ELOB: variants seen among roughly 807,000 people sequenced by gnomAD.
ELOB encodes the protein elongin-B.
A neutral mutation model predicts 12.9 loss-of-function variants in ELOB; 3 were observed. The observed-to-expected ratio is 0.23, with a 90% CI of 0.11 to 0.60. The LOEUF is 0.60. ELOB is among the 20% of genes least tolerant of loss of function. The pLI, the probability that ELOB is intolerant of heterozygous loss-of-function variation, is 0.89. For synonymous variants in ELOB, 84 were observed against 67.4 expected (o/e 1.25, Z -1.21); for missense variants, 126 against 159.2 (o/e 0.79, Z 1.12).
At chr16:2,776,881 G>C in intron 2 of ELOB, 112 bp downstream of exon 2, 1 of 1,385,864 alleles carries the variant, frequency 7.2e-7, no homozygotes, top group Non-Finnish European at 9.5e-7. Flanking sequence ...CCCGCGGCTC[G>C]GGCGCCCGCA....
Position 2,771,928 on chromosome 16 carries a change from G to T in ELOB, c.*62C>A. 1 of 1,559,316 alleles carries T rather than the reference G, an allele frequency of 6.4e-7. No homozygotes were observed. The highest frequency in any genetic ancestry group is 1.2e-5 in the South Asian group (1 of 84,900). On this transcript the variant is annotated 3_prime_UTR_variant, in exon 4 of 4. Coordinates refer to ENST00000409906, the MANE Select transcript of ELOB (RefSeq NM_007108.4). ...ATCCCAGGGAGGGGCGGGAAAAAGA[G>T]GCAGCAACCAGGCAGACTCCCAAAT...
chr16:2,771,551 T>C lies in ELOB; in HGVS notation c.*439A>G. Reference sequence around the variant, plus strand: ...TGAACATGCTGTCAAACCAGGACACTGGCTCCAGCTTGTGTTTCTGCTCTT... The same window carrying C: ...TGAACATGCTGTCAAACCAGGACACCGGCTCCAGCTTGTGTTTCTGCTCTT... On this transcript the variant is annotated 3_prime_UTR_variant, in exon 4 of 4. Transcript: ENST00000409906. 6.2e-7 allele frequency: 1 copy of C among 1,614,168 alleles called. No homozygotes were observed. Among genetic ancestry groups the C allele is most frequent in the Non-Finnish European group, 8.5e-7 (1 of 1,180,036 alleles).
At chr16:2,773,175 G>C (rs2068777920) in intron 3 of ELOB, among the ~76,000 whole-genome samples, 2 of 151,996 alleles carry the variant, frequency 1.3e-5, no homozygotes, top group Admixed American at 1.3e-4. Context: ...ATCTCTGCTT[G>C]GCTCAGGGTT....
At chr16:2,772,172 C>T (rs755694642) in intron 3 of ELOB, 70 bp from the exon 4 acceptor site, 1,174 of 1,479,414 alleles carry the variant, frequency 7.9e-4, no homozygotes, top group Non-Finnish European at 9.4e-4. Context: ...TTGGTGTTCA[C>T]GTGTGATCAT....
intron 3 of ELOB, among the ~76,000 whole-genome samples, chr16:2,773,423 A>C (rs1308128492): frequency 1.3e-5 from 2 of 152,162 alleles, no homozygotes; most frequent in African/African-American, 4.8e-5. Context: ...TCGTGCCTTC[A>C]CTACCTCCCT....
intron 2 of ELOB, among the ~76,000 whole-genome samples, chr16:2,776,054 C>G (rs1214361658): frequency 1.3e-5 from 2 of 152,156 alleles, no homozygotes; most frequent in Non-Finnish European, 2.9e-5. Context: ...CCACGGCTGG[C>G]TGGTAGTTGA....
chr16:2,776,100 G>A (rs528201740), intron 2 of ELOB, among the ~76,000 whole-genome samples: 1 of 152,294 alleles, frequency 6.6e-6, no homozygotes, highest in South Asian at 2.1e-4. Context: ...CTGTAAACTA[G>A]GAATTACCAG....
Position 2,771,766 on chromosome 16 carries a change from G to T in ELOB, c.*224C>A. The T allele has an allele frequency of 6.8e-7, 1 of 1,480,066 alleles. No homozygotes were observed. The highest frequency in any genetic ancestry group is 8.9e-7 in the Non-Finnish European group (1 of 1,120,292). 91.7% of individuals were successfully genotyped at this position (1,480,066 alleles called of 1,614,324 possible). On this transcript the variant is annotated 3_prime_UTR_variant, in exon 4 of 4. Transcript: ENST00000409906. ...TGCTAACAATGGCTTGGGTCTCAGG[G>T]CAACCCAGGTCCCCATGGTGCCTTT...
At chr16:2,776,812 A>T (rs1261987847) in intron 2 of ELOB, among the ~76,000 whole-genome samples, 181 bp downstream of exon 2, 1 of 151,466 alleles carries the variant, frequency 6.6e-6, no homozygotes, top group African/African-American at 2.4e-5. Flanking sequence ...TCGCCCCCGG[A>T]CCGGAGATCC....
intron 2 of ELOB, among the ~76,000 whole-genome samples, chr16:2,776,717 C>G (rs992646979): frequency 3.3e-5 from 5 of 152,370 alleles, no homozygotes; most frequent in African/African-American, 4.8e-5. Flanking sequence ...TCAATTTCGT[C>G]AACTGCACGG....
At chr16:2,776,536 G>A (rs978736596) in intron 2 of ELOB, among the ~76,000 whole-genome samples, 21 of 152,202 alleles carry the variant, frequency 1.4e-4, no homozygotes, top group Non-Finnish European at 1.6e-4. Context: ...AGAACGAGTG[G>A]GACCTGACTT....
intron 3 of ELOB, among the ~76,000 whole-genome samples, 177 bp downstream of exon 3, chr16:2,775,274 T>A (rs867597441): frequency 1.2e-3 from 180 of 148,414 alleles, no homozygotes; most frequent in Non-Finnish European, 2.2e-3. Context: ...TGCTTCTTTT[T>A]TAAAAAAAAA....
chr16:2,775,066 G>A (rs1247126593), intron 3 of ELOB, among the ~76,000 whole-genome samples: 1 of 152,104 alleles, frequency 6.6e-6, no homozygotes, highest in East Asian at 1.9e-4. Context: ...GTGACTGCTG[G>A]TAAGCCTGTG....
chr16:2,771,563 G>C lies in ELOB; in HGVS notation c.*427C>G, dbSNP rs775387787. ...CAAACCAGGACACTGGCTCCAGCTT[G>C]TGTTTCTGCTCTTGGCCATCGTCTG... On this transcript the variant is annotated 3_prime_UTR_variant, in exon 4 of 4. Coordinates refer to ENST00000409906, the MANE Select transcript of ELOB (RefSeq NM_007108.4). 6.2e-7 allele frequency: 1 copy of C among 1,613,670 alleles called. No individual in the cohort carries two copies. The highest frequency in any genetic ancestry group is 8.5e-7 in the Non-Finnish European group (1 of 1,179,730).
In ELOB at chr16:2,772,721, A is replaced by G. The variant is rs1049726393; in HGVS notation, c.245-619T>C. Among the ~76,000 whole-genome samples, 7 of 151,558 alleles carry G rather than the reference A, an allele frequency of 4.6e-5. No individual in the cohort carries two copies. In the South Asian group the frequency reaches 1.5e-3, roughly 32 times the overall value. On this transcript the variant is annotated intron_variant, in intron 3 of 3. Coordinates refer to ENST00000409906, the MANE Select transcript of ELOB (RefSeq NM_007108.4). ...CTCCATCTCAAAAAAAAAAAATCAA[A>G]CTAGACTATCTAGACTATTCCTCCC...
rs1488500214 is a variant in ELOB, at chr16:2,775,512, G to A, written c.183C>T (p.Gly61=). The change falls in exon 3 of 4, where the codon GGC becomes GGT. Residue 61 remains glycine, a synonymous_variant. Transcript: ENST00000409906. The part of the protein sequence containing the change: ...LDDGKTLGEC[G]FTSQTARPQA... ...GTGGCCGTGCTGTTTGACTGGTGAAGCCACACTCGCCCAGTGTCTTGCCAT... is the reference window on the plus strand; with the variant it reads ...GTGGCCGTGCTGTTTGACTGGTGAAACCACACTCGCCCAGTGTCTTGCCAT... 5 of 1,608,994 alleles carry A rather than the reference G, an allele frequency of 3.1e-6. No homozygotes were observed. Among genetic ancestry groups the A allele is most frequent in the Non-Finnish European group, 4.2e-6 (5 of 1,179,770 alleles).
Position 2,771,540 on chromosome 16 carries a change from A to T in ELOB, c.*450T>A. On this transcript the variant is annotated 3_prime_UTR_variant, in exon 4 of 4. Coordinates refer to ENST00000409906, the MANE Select transcript of ELOB (RefSeq NM_007108.4). ...GGTTCCCTCGTTGAACATGCTGTCA[A>T]ACCAGGACACTGGCTCCAGCTTGTG... The T allele has an allele frequency of 1.2e-6, 2 of 1,614,180 alleles. No homozygotes were observed. The highest frequency in any genetic ancestry group is 8.5e-7 in the Non-Finnish European group (1 of 1,180,036).
At position 2,771,975 on chromosome 16, in the gene ELOB, G is replaced by A. The variant is rs752544079; in HGVS notation, c.*15C>T. 7.1e-6 allele frequency: 11 copies of A among 1,544,222 alleles called. 1 individual carries two copies. In the South Asian group the frequency reaches 7.9e-5, roughly 11 times the overall value. The stretch of plus-strand genomic sequence containing the variant: ...AAATCTCTTTTATTGGGGGAAATGG[G>A]CCTCTTGGGGGTCCTCACTGCACGG... On this transcript the variant is annotated 3_prime_UTR_variant, in exon 4 of 4. Coordinates refer to ENST00000409906, the MANE Select transcript of ELOB (RefSeq NM_007108.4).
At chr16:2,775,611 ACTT>A in intron 2 of ELOB, 55 bp from the exon 3 acceptor site, 1 of 1,450,188 alleles carries the variant, frequency 6.9e-7, no homozygotes, top group Non-Finnish European at 9.5e-7. Context: ...AGTCCCAAAG[ACTT>A]CTGACCAGCA....
Sources: gnomAD v4.1 joint callset for allele counts (sites outside exome capture counted in the v4.1 genomes callset) on GRCh38, gnomAD v4.1.1 for gene constraint, MANE v1.5 for transcripts, NCBI Gene and HGNC (gene_info 2026-07-23, HGNC 2026-07-21) for gene names.